The following TASOR variants were observed in gnomAD, a reference collection of about 807,000 sequenced individuals.
TASOR encodes protein TASOR.
In TASOR, 53 loss-of-function variants were observed where a neutral mutation model predicts 178.6. The ratio of observed to expected loss-of-function variants is 0.30; its 90% CI spans 0.24 to 0.37. TASOR has a LOEUF of 0.37. Ranked by LOEUF, TASOR falls within the 10% of genes least tolerant of loss-of-function variation. TASOR has a pLI of 1.00. For missense variants in TASOR, 1,815 were observed against 1,971.4 expected, an observed-to-expected ratio of 0.92 and a Z score of 1.50; for synonymous variants, 713 against 696.2, an observed-to-expected ratio of 1.02 and a Z score of -0.38.
rs756047419 is a variant in TASOR, at chr3:56,627,624, C to T, written c.3988G>A (p.Val1330Ile). 2.2e-5 allele frequency: 35 copies of T among 1,614,016 alleles called. No homozygotes were observed. The South Asian group carries it at 3.1e-4, about 14-fold the overall frequency. Residue 1330 changes from valine to isoleucine, a missense_variant, in exon 20 of 24, where the codon GTA becomes ATA. Transcript: ENST00000683822. ...GGGTTTAGAATTGATTCATCAGATACGATAAAACCTCCAGATACAAATAAT... is the reference window on the plus strand; with the variant it reads ...GGGTTTAGAATTGATTCATCAGATATGATAAAACCTCCAGATACAAATAAT... The part of the protein sequence containing the change: ...NELFVSGGFI[V>I]SDESILNPEV...
Position 56,621,593 on chromosome 3 carries a change from A to G in TASOR, c.*1444T>C, listed in dbSNP as rs144848139. 4,022 of 1,599,726 alleles carry G rather than the reference A, an allele frequency of 2.5e-3. 6 individuals are homozygous for G. The highest frequency in any genetic ancestry group is 6.2e-3 in the Middle Eastern group (37 of 6,006). On this transcript the variant is annotated 3_prime_UTR_variant, in exon 24 of 24. Transcript: ENST00000683822. ...CTCCTGCCTTTAGCTGAAAATCAAG[A>G]AGAGAGTTTTGGTTCTTCATTTTAA...
At chr3:56,666,512 G>A in intron 6 of TASOR, 128 bp from the exon 7 acceptor site, 1 of 575,540 alleles carries the variant, frequency 1.7e-6, no homozygotes, top group Non-Finnish European at 2.7e-6. Context: ...TTTAAGCTCT[G>A]CGTGCCAATT....
At chr3:56,674,405 G>C (rs2031075340) in intron 1 of TASOR, among the ~76,000 whole-genome samples, 1 of 151,762 alleles carries the variant, frequency 6.6e-6, no homozygotes, top group African/African-American at 2.4e-5. Flanking sequence ...AGCTACTTGG[G>C]AGGCTGAGGC....
chr3:56,625,619 T>A (rs1289130264), intron 21 of TASOR, among the ~76,000 whole-genome samples: 1 of 152,040 alleles, frequency 6.6e-6, no homozygotes, highest in Non-Finnish European at 1.5e-5. Flanking sequence ...TACACTCCAG[T>A]CTGGGCAACA....
At chr3:56,660,220 G>A (rs756860234) in intron 11 of TASOR, among the ~76,000 whole-genome samples, 4 of 151,700 alleles carry the variant, frequency 2.6e-5, no homozygotes, top group Admixed American at 1.3e-4. Flanking sequence ...GGCTGGGCAC[G>A]GTGGCTCACG....
At chr3:56,628,815 T>A in intron 18 of TASOR, 2 of 383,738 alleles carry the variant, frequency 5.2e-6, no homozygotes, top group Non-Finnish European at 9.3e-6. Flanking sequence ...GGCTGGAGTA[T>A]AGCAGCATGA....
intron 11 of TASOR, among the ~76,000 whole-genome samples, chr3:56,653,372 G>A (rs182337055): frequency 7.0e-6 from 1 of 142,194 alleles, no homozygotes; most frequent in Admixed American, 7.1e-5. Flanking sequence ...CAAATCCACA[G>A]ATATGAAAGG....
intron 14 of TASOR, among the ~76,000 whole-genome samples, chr3:56,643,708 T>C (rs1045028626): frequency 6.6e-5 from 10 of 151,454 alleles, no homozygotes; most frequent in Admixed American, 5.9e-4. Flanking sequence ...TGAGCCGAGA[T>C]TGTGCCACTG....
At chr3:56,648,224 A>C (rs576795140) in intron 13 of TASOR, among the ~76,000 whole-genome samples, 1 of 152,184 alleles carries the variant, frequency 6.6e-6, no homozygotes, top group Non-Finnish European at 1.5e-5. Context: ...GTGAGACTCT[A>C]TCTCTAAAAT....
chr3:56,648,631 CAAAAAAAAAAAAAA>C (rs56218279), intron 13 of TASOR, among the ~76,000 whole-genome samples, 177 bp downstream of exon 13: 25 of 84,566 alleles, frequency 3.0e-4, no homozygotes, highest in South Asian at 9.1e-4. Context: ...AACTCTGTAT[CAAAAAAAAAAAAAA>C]AAAAAAAAAA....
At chr3:56,678,742 G>A (rs1381769478) in intron 1 of TASOR, among the ~76,000 whole-genome samples, 2 of 152,028 alleles carry the variant, frequency 1.3e-5, no homozygotes, top group Admixed American at 6.5e-5. Context: ...TGGGCGTGGC[G>A]GCTCATGCCT....
intron 6 of TASOR, among the ~76,000 whole-genome samples, chr3:56,667,748 C>A (rs1213452926): frequency 2.6e-5 from 4 of 152,074 alleles, no homozygotes; most frequent in Non-Finnish European, 4.4e-5. Context: ...CCAGCCTGGG[C>A]AAAACAGGGA....
intron 21 of TASOR, among the ~76,000 whole-genome samples, chr3:56,626,736 TC>T (rs1271929822): frequency 6.6e-6 from 1 of 151,182 alleles, no homozygotes; most frequent in African/African-American, 2.4e-5. Flanking sequence ...AAAGCAAAAC[TC>T]TATCTCAAAA....
Position 56,683,019 on chromosome 3 carries a change from A to C in TASOR, c.-13T>G. On this transcript the variant is annotated 5_prime_UTR_variant, in exon 1 of 24. Transcript: ENST00000683822. ...CAGCAGTCGCCATCGCGCCGGCCTA[A>C]GGAGCTCTGGGAAGCTTCTGCCCAC... 1 of 1,526,722 alleles carries C rather than the reference A, an allele frequency of 6.5e-7. No homozygotes were observed. The highest frequency in any genetic ancestry group is 1.4e-5 in the African/African-American group (1 of 72,228). 94.6% of individuals were successfully genotyped at this position (1,526,722 alleles called of 1,614,324 possible).
At chr3:56,653,517 T>G (rs536426464) in intron 11 of TASOR, among the ~76,000 whole-genome samples, 1 of 149,886 alleles carries the variant, frequency 6.7e-6, no homozygotes, top group African/African-American at 2.4e-5. Flanking sequence ...ACAATTAGAC[T>G]GAGAGCTAAC....
chr3:56,646,411 A>G, intron 14 of TASOR, 111 bp downstream of exon 14: 1 of 823,206 alleles, frequency 1.2e-6, no homozygotes, highest in Non-Finnish European at 1.9e-6. Flanking sequence ...TTACAAAAAT[A>G]GTGGACAGGC....
At chr3:56,634,331 C>T (rs2076974604) in intron 17 of TASOR, among the ~76,000 whole-genome samples, 1 of 152,196 alleles carries the variant, frequency 6.6e-6, no homozygotes, top group South Asian at 2.1e-4. Flanking sequence ...TGCTCAATCC[C>T]TGTATTTATT....
At chr3:56,666,150 G>GT (rs1325112630) in intron 7 of TASOR, 110 bp downstream of exon 7, 1 of 812,982 alleles carries the variant, frequency 1.2e-6, no homozygotes, top group African/African-American at 3.4e-5. Flanking sequence ...TTCAAGGGAA[G>GT]TTAAAAAAAA....
chr3:56,644,482 G>GAA (rs1032730473), intron 14 of TASOR, among the ~76,000 whole-genome samples: 2 of 151,672 alleles, frequency 1.3e-5, no homozygotes, highest in African/African-American at 4.8e-5. Flanking sequence ...GCTACTTCAG[G>GAA]AAAAAAAAGA....
Sources: gnomAD v4.1 joint callset for allele counts (sites outside exome capture counted in the v4.1 genomes callset) on GRCh38, gnomAD v4.1.1 for gene constraint, MANE v1.5 for transcripts, NCBI Gene and HGNC (gene_info 2026-07-23, HGNC 2026-07-21) for gene names.